The following AEBP2 variants were observed in gnomAD, a reference collection of about 807,000 sequenced individuals.
AEBP2 encodes the protein AE binding protein 2.
Under a neutral mutation model 50.8 loss-of-function variants are expected in AEBP2, and 10 were observed. The observed-to-expected ratio is 0.20, with a 90% CI of 0.12 to 0.33. The LOEUF is 0.33. AEBP2 is among the 10% of genes least tolerant of loss of function. The pLI is 1.00. For missense variants in AEBP2, 570 were observed against 688.0 expected (o/e 0.83, Z 1.92); for synonymous variants, 296 against 261.3 (o/e 1.13, Z -1.28).
chr12:19,504,548 G>A (rs1312781945), intron 5 of AEBP2, among the ~76,000 whole-genome samples: 1 of 151,984 alleles, frequency 6.6e-6, no homozygotes, highest in Non-Finnish European at 1.5e-5. Context: ...CTGACTAGTT[G>A]TGTACTTTTA....
intron 2 of AEBP2, among the ~76,000 whole-genome samples, chr12:19,463,477 C>G (rs1167967838): frequency 6.6e-6 from 1 of 152,086 alleles, no homozygotes; most frequent in African/African-American, 2.4e-5. Context: ...TTAGGCCACA[C>G]ATTTCCTATC....
chr12:19,416,585 A>G (rs1208035442), intron 1 of AEBP2, among the ~76,000 whole-genome samples: 4 of 144,406 alleles, frequency 2.8e-5, no homozygotes, highest in Non-Finnish European at 6.0e-5. Flanking sequence ...TTGTATTTTT[A>G]GTAGAGATGG....
At chr12:19,455,658 C>T (rs1948256708) in intron 1 of AEBP2, among the ~76,000 whole-genome samples, 1 of 152,172 alleles carries the variant, frequency 6.6e-6, no homozygotes, top group South Asian at 2.1e-4. Flanking sequence ...CTTCGAATTT[C>T]CAAAGGAAAC....
intron 1 of AEBP2, among the ~76,000 whole-genome samples, chr12:19,428,538 G>T (rs1053175934): frequency 6.6e-6 from 1 of 152,248 alleles, no homozygotes; most frequent in Non-Finnish European, 1.5e-5. Flanking sequence ...AAGGCTGGGT[G>T]CGGTGGCTCA....
chr12:19,465,335 A>G (rs544350540), intron 2 of AEBP2, among the ~76,000 whole-genome samples: 85 of 152,236 alleles, frequency 5.6e-4, no homozygotes, highest in Non-Finnish European at 1.0e-3. Context: ...CGGAGGTTGC[A>G]GTGAGCTGAG....
chr12:19,518,522 A>AT lies in AEBP2; in HGVS notation c.*405_*406insT. ...AATTACAACATGTGCCCTTACAAAT[A>AT]CCAAAAGCACTGTAAGGATATTTGT... On this transcript the variant is annotated 3_prime_UTR_variant, in exon 8 of 8. Coordinates refer to ENST00000266508, the MANE Select transcript of AEBP2 (RefSeq NM_153207.5). 2 of 1,264,810 alleles carry AT rather than the reference A, an allele frequency of 1.6e-6. No homozygotes were observed. The highest frequency in any genetic ancestry group is 2.0e-6 in the Non-Finnish European group (2 of 999,936). 78.3% of individuals were successfully genotyped at this position (1,264,810 alleles called of 1,614,324 possible).
At chr12:19,488,284 T>A (rs1948843259) in intron 3 of AEBP2, among the ~76,000 whole-genome samples, 1 of 149,690 alleles carries the variant, frequency 6.7e-6, no homozygotes, top group South Asian at 2.1e-4. Flanking sequence ...CCTGGCTAAT[T>A]TTTGTATTTT....
chr12:19,440,907 T>C (rs1947946280), intron 1 of AEBP2, among the ~76,000 whole-genome samples: 1 of 152,222 alleles, frequency 6.6e-6, no homozygotes, highest in Non-Finnish European at 1.5e-5. Flanking sequence ...AATCATTGCC[T>C]CCCAAATCCC....
Position 19,519,045 on chromosome 12 carries a change from T to C in AEBP2, c.*928T>C. 1 of 165,046 alleles carries C rather than the reference T, an allele frequency of 6.1e-6. No homozygotes were observed. The highest frequency in any genetic ancestry group is 1.6e-4 in the East Asian group (1 of 6,174). 10.2% of individuals were successfully genotyped at this position (165,046 alleles called of 1,614,324 possible). On this transcript the variant is annotated 3_prime_UTR_variant, in exon 8 of 8. Transcript: ENST00000266508. ...AAGTATCTTCAAACTGAATCTTTTATGCACCAAAGTTGGTCTTGAAAAGGA... is the reference window on the plus strand; with the variant it reads ...AAGTATCTTCAAACTGAATCTTTTACGCACCAAAGTTGGTCTTGAAAAGGA...
intron 1 of AEBP2, among the ~76,000 whole-genome samples, chr12:19,419,925 G>A (rs376528144): frequency 7.9e-5 from 12 of 151,996 alleles, no homozygotes; most frequent in African/African-American, 2.9e-4. Flanking sequence ...GTGAGACTCC[G>A]TCCTTCCAAA....
rs146904767 is a variant in AEBP2 at position 19,441,871 on chromosome 12, T to G, written c.671+1501T>G. Among the ~76,000 whole-genome samples the G allele has an allele frequency of 2.0e-5, 3 of 152,302 alleles. No homozygotes were observed. The East Asian group carries it at 5.8e-4, about 29-fold the overall frequency. On this transcript the variant is annotated intron_variant, in intron 1 of 7. Coordinates refer to ENST00000266508, the MANE Select transcript of AEBP2 (RefSeq NM_153207.5). Reference sequence around the variant, plus strand: ...GACATTAGTTTATAAAATCAGCGTTTTTCATTTACTCAGTATACACGTATT... The same window carrying G: ...GACATTAGTTTATAAAATCAGCGTTGTTCATTTACTCAGTATACACGTATT...
intron 1 of AEBP2, among the ~76,000 whole-genome samples, chr12:19,454,699 T>C (rs1948234539): frequency 2.0e-5 from 3 of 152,190 alleles, no homozygotes; most frequent in African/African-American, 7.2e-5. Context: ...GTGCTTGCTT[T>C]GGCGGCACAT....
chr12:19,510,567 C>T (rs1286470079), intron 5 of AEBP2, among the ~76,000 whole-genome samples: 2 of 152,072 alleles, frequency 1.3e-5, no homozygotes, highest in South Asian at 2.1e-4. Flanking sequence ...ATGAAGCGTA[C>T]GTAACTTAAA....
chr12:19,481,416 C>G (rs1187589693), intron 3 of AEBP2, among the ~76,000 whole-genome samples: 1 of 151,320 alleles, frequency 6.6e-6, no homozygotes, highest in East Asian at 2.0e-4. Flanking sequence ...AGTGCGTTTT[C>G]TGTTTCTCTT....
chr12:19,516,041 C>T (rs1192777585), intron 7 of AEBP2, among the ~76,000 whole-genome samples: 1 of 152,188 alleles, frequency 6.6e-6, no homozygotes, highest in Non-Finnish European at 1.5e-5. Context: ...GCCAGGATTA[C>T]ACCACTGCAC....
At chr12:19,511,928 A>G (rs1357567601) in intron 5 of AEBP2, among the ~76,000 whole-genome samples, 1 of 152,138 alleles carries the variant, frequency 6.6e-6, no homozygotes, top group Non-Finnish European at 1.5e-5. Flanking sequence ...TCTTGTGGGA[A>G]AGACAAAGGT....
chr12:19,435,096 C>G (rs189505421), upstream of AEBP2, among the ~76,000 whole-genome samples: 6 of 151,824 alleles, frequency 4.0e-5, no homozygotes, highest in Admixed American at 2.6e-4. Context: ...TCATATCATA[C>G]CTTTATTAAA....
chr12:19,454,476 G>C (rs930754358), intron 1 of AEBP2, among the ~76,000 whole-genome samples: 2 of 152,218 alleles, frequency 1.3e-5, no homozygotes, highest in East Asian at 3.8e-4. Context: ...ATGATTTTAT[G>C]TGAATGAAGA....
intron 1 of AEBP2, among the ~76,000 whole-genome samples, chr12:19,410,609 C>T (rs73335368): frequency 0.028 from 4,225 of 152,266 alleles, 60 homozygotes; most frequent in East Asian, 0.044. Flanking sequence ...TCATCTACCC[C>T]CTTCCCCAAC....
Sources: gnomAD v4.1 joint callset for allele counts (sites outside exome capture counted in the v4.1 genomes callset) on GRCh38, gnomAD v4.1.1 for gene constraint, MANE v1.5 for transcripts, NCBI Gene and HGNC (gene_info 2026-07-23, HGNC 2026-07-21) for gene names.